Variants in TMEM250 observed in about 807,000 individuals in gnomAD.
TMEM250 encodes herpes virus UL25-binding protein.
Under a neutral mutation model 7.0 loss-of-function variants are expected in TMEM250, and 7 were observed. The ratio of observed to expected loss-of-function variants is 1.00; its 90% CI spans 0.57 to 1.87. TMEM250 has a LOEUF of 1.87. Ranked by LOEUF, TMEM250 falls within the 40% of genes most tolerant of loss-of-function variation. The pLI, the probability that TMEM250 is intolerant of heterozygous loss-of-function variation, is 0.00. For missense variants in TMEM250, 196 were observed against 202.5 expected (o/e 0.97, Z 0.19); for synonymous variants, 135 against 96.7 (o/e 1.40, Z -2.32).
At position 136,116,738 on chromosome 9, in the gene TMEM250, G is replaced by T. The variant is rs574533266; in HGVS notation, c.163C>A (p.Arg55Ser). The change falls in exon 2 of 2, where the codon CGC (arginine) becomes AGC (serine). Residue 55 changes from arginine (R) to serine (S), a missense_variant. Transcript: ENST00000418388. ...CTGCAGCTAAAGTAGAGTAGGAAGC[G>T]GATGAAGCCGTACAGCCAGCGCGTC... is the stretch of plus-strand genomic sequence containing the variant. The part of the protein sequence containing the change: ...IKTRWLYGFI[R>S]FLLYFSCSLF... The T allele has an allele frequency of 7.4e-6, 12 of 1,612,406 alleles. No homozygotes were observed. The highest frequency in any genetic ancestry group is 1.0e-5 in the Non-Finnish European group (12 of 1,179,758).
rs377307324 is a variant in TMEM250, at chr9:136,115,867, G to A, written c.*614C>T. On this transcript the variant is annotated 3_prime_UTR_variant, in exon 2 of 2. Coordinates refer to ENST00000418388, the MANE Select transcript of TMEM250 (RefSeq NM_152833.3). ...AGACTGCATCTACACAATCCAAGGG[G>A]ACCCTGAAGGCTGGCTGGGGACTCA... is the stretch of plus-strand genomic sequence containing the variant. 1.9e-4 allele frequency: 70 copies of A among 365,912 alleles called. 1 individual carries two copies. The highest frequency in any genetic ancestry group is 1.4e-3 in the African/African-American group (65 of 48,034). 22.7% of individuals were successfully genotyped at this position (365,912 alleles called of 1,614,324 possible). A position where few individuals can be genotyped will look rare whatever the true frequency, so the allele number is the denominator to read the frequency against.
Position 136,116,548 on chromosome 9 carries a change from C to T in TMEM250, c.353G>A (p.Gly118Asp). 1 of 1,595,818 alleles carries T rather than the reference C, an allele frequency of 6.3e-7. No homozygotes were observed. ...FRLVNELLVYGIHVTMLLVGG... is the reference protein window; with the variant it reads ...FRLVNELLVYDIHVTMLLVGG... ...GACCAGCAGCATGGTGACGTGGATG[C>T]CATAGACGAGCAGCTCGTTCACCAG... Residue 118 changes from glycine (G) to aspartate (D), a missense_variant, in exon 2 of 2, where the codon GGC becomes GAC. Gly to Asp is a moderately conservative substitution (Grantham distance 94). Coordinates refer to ENST00000418388, the MANE Select transcript of TMEM250 (RefSeq NM_152833.3).
At position 136,118,604 on chromosome 9, in the gene TMEM250, G is replaced by T. The variant is rs1401282935; in HGVS notation, c.-244C>A. 6.6e-6 allele frequency: 1 copy of T among 152,180 alleles called. No homozygotes were observed. The highest frequency in any genetic ancestry group is 1.5e-5 in the Non-Finnish European group (1 of 68,260). 9.4% of individuals were successfully genotyped at this position (152,180 alleles called of 1,614,324 possible). A position where few individuals can be genotyped will look rare whatever the true frequency, so the allele number is the denominator to read the frequency against. ...GCTCCGTGCGCAGGGCGGCCGCATG[G>T]TGCTGGGGCGCGCGGCTGGGGGCGC... On this transcript the variant is annotated 5_prime_UTR_variant, in exon 1 of 2. Transcript: ENST00000418388.
chr9:136,115,736 T>G lies in TMEM250; in HGVS notation c.*745A>C, dbSNP rs1262556337. 5.5e-6 allele frequency: 1 copy of G among 182,530 alleles called. No individual in the cohort carries two copies. The highest frequency in any genetic ancestry group is 6.2e-5 in the Admixed American group (1 of 16,042). 11.3% of individuals were successfully genotyped at this position (182,530 alleles called of 1,614,324 possible). A position where few individuals can be genotyped will look rare whatever the true frequency, so the allele number is the denominator to read the frequency against. Reference sequence around the variant, plus strand: ...CTCCCAGAACAGGCAGACAGGCCAGTGTTGCTGGAGTCAGCCCCTGGCTCC... The same window carrying G: ...CTCCCAGAACAGGCAGACAGGCCAGGGTTGCTGGAGTCAGCCCCTGGCTCC... On this transcript the variant is annotated 3_prime_UTR_variant, in exon 2 of 2. Transcript: ENST00000418388.
Position 136,116,217 on chromosome 9 carries a change from A to T in TMEM250, c.*264T>A. ...AACGGAGGGCCCACCCCGCAGTACGACCCGAAGACATGTGAGCAGGAGCCA... is the reference window on the plus strand; with the variant it reads ...AACGGAGGGCCCACCCCGCAGTACGTCCCGAAGACATGTGAGCAGGAGCCA... On this transcript the variant is annotated 3_prime_UTR_variant, in exon 2 of 2. Coordinates refer to ENST00000418388, the MANE Select transcript of TMEM250 (RefSeq NM_152833.3). 1.7e-6 allele frequency: 1 copy of T among 594,072 alleles called. No homozygotes were observed. Among genetic ancestry groups the T allele is most frequent in the Non-Finnish European group, 2.8e-6 (1 of 356,586 alleles). 36.8% of individuals were successfully genotyped at this position (594,072 alleles called of 1,614,324 possible). A position where few individuals can be genotyped will look rare whatever the true frequency, so the allele number is the denominator to read the frequency against.
Position 136,115,441 on chromosome 9 carries a change from G to A in TMEM250, c.*1040C>T, listed in dbSNP as rs1263547465. ...GACACTGGAGGACAGCGTGAGATAA[G>A]ATCTCAGCATATACCTGGGGCTCTA... On this transcript the variant is annotated 3_prime_UTR_variant, in exon 2 of 2. Coordinates refer to ENST00000418388, the MANE Select transcript of TMEM250 (RefSeq NM_152833.3). 1.3e-5 allele frequency: 2 copies of A among 152,302 alleles called. No individual in the cohort carries two copies. The highest frequency in any genetic ancestry group is 4.8e-5 in the African/African-American group (2 of 41,452). 9.4% of individuals were successfully genotyped at this position (152,302 alleles called of 1,614,324 possible). A position where few individuals can be genotyped will look rare whatever the true frequency, so the allele number is the denominator to read the frequency against.
Position 136,114,899 on chromosome 9 carries a change from C to T in TMEM250, c.*1582G>A, listed in dbSNP as rs1025238158. On this transcript the variant is annotated 3_prime_UTR_variant, in exon 2 of 2. Transcript: ENST00000418388. The stretch of plus-strand genomic sequence containing the variant: ...GCCCACGCAGGGAAGCTCCCGCCTA[C>T]CTGCCCAGGGCGTGGACGCAGCCCG... 6.6e-6 allele frequency: 1 copy of T among 152,292 alleles called. No individual in the cohort carries two copies. Among genetic ancestry groups the T allele is most frequent in the African/African-American group, 2.4e-5 (1 of 41,482 alleles). 9.4% of individuals were successfully genotyped at this position (152,292 alleles called of 1,614,324 possible).
At position 136,118,688 on chromosome 9, in the gene TMEM250, A is replaced by T. The variant is rs965101676; in HGVS notation, c.-328T>A. The T allele has an allele frequency of 2.6e-5, 4 of 152,242 alleles. No individual in the cohort carries two copies. Among genetic ancestry groups the T allele is most frequent in the African/African-American group, 9.7e-5 (4 of 41,372 alleles). The allele number at this position is 152,242 out of a possible 1,614,324, so 9.4% of individuals were successfully genotyped here. On this transcript the variant is annotated 5_prime_UTR_variant, in exon 1 of 2. Transcript: ENST00000418388. ...GCCGGCTGGGGTCGCCCTGCAGGTG[A>T]AGGGGCTCTCGGGCGCGGCCGCCGG...
rs1035041312 is a variant in TMEM250 at position 136,114,738 on chromosome 9, C to T, written c.*1743G>A. ...ACCGCACGAGCGGCACCACCAGCCC[C>T]CTCCCGCCTCCCGTCCCACCTTCAC... On this transcript the variant is annotated 3_prime_UTR_variant, in exon 2 of 2. Coordinates refer to ENST00000418388, the MANE Select transcript of TMEM250 (RefSeq NM_152833.3). 56 of 152,380 alleles carry T rather than the reference C, an allele frequency of 3.7e-4. No individual in the cohort carries two copies. Among genetic ancestry groups the T allele is most frequent in the African/African-American group, 1.3e-3 (52 of 41,584 alleles). 9.4% of individuals were successfully genotyped at this position (152,380 alleles called of 1,614,324 possible).
At chr9:136,117,473 G>A (rs1484754929) in intron 1 of TMEM250, among the ~76,000 whole-genome samples, 3 of 152,246 alleles carry the variant, frequency 2.0e-5, no homozygotes, top group African/African-American at 4.8e-5. Flanking sequence ...AATGGCATCT[G>A]CAAGAAGCCA....
chr9:136,115,615 G>GA lies in TMEM250; in HGVS notation c.*865dup, dbSNP rs1445252959. On this transcript the variant is annotated 3_prime_UTR_variant, in exon 2 of 2. Transcript: ENST00000418388. ...CTTTCTTTGACGGTGTTCCCTCAAAGAAAGAGGCCCAAAGCCCTCCCCCGC... is the reference window on the plus strand; with the variant it reads ...CTTTCTTTGACGGTGTTCCCTCAAAGAAAAGAGGCCCAAAGCCCTCCCCCGC... 6.5e-6 allele frequency: 1 copy of GA among 152,812 alleles called. No homozygotes were observed. Among genetic ancestry groups the GA allele is most frequent in the Non-Finnish European group, 1.5e-5 (1 of 68,490 alleles). The allele number at this position is 152,812 out of a possible 1,614,324, so 9.5% of individuals were successfully genotyped here.
chr9:136,117,593 G>A (rs1236875325), intron 1 of TMEM250, among the ~76,000 whole-genome samples: 1 of 152,254 alleles, frequency 6.6e-6, no homozygotes, highest in South Asian at 2.1e-4. Flanking sequence ...CGGCTCGGGG[G>A]CCGTGGGGTC....
chr9:136,117,072 G>A (rs1830722787), intron 1 of TMEM250, 48 bp from the exon 2 acceptor site: 4 of 1,137,482 alleles, frequency 3.5e-6, no homozygotes, highest in Non-Finnish European at 4.6e-6. Context: ...ACACCATGCG[G>A]ATCCCTCCCC....
At chr9:136,118,025 G>A (rs1472645743) in intron 1 of TMEM250, 1 of 152,320 alleles carries the variant, frequency 6.6e-6, no homozygotes, top group Admixed American at 6.5e-5. Flanking sequence ...GGCGGAGGAG[G>A]GAGGGGCCGG....
At position 136,116,733 on chromosome 9, in the gene TMEM250, G is replaced by A. The variant is rs556439741; in HGVS notation, c.168C>T (p.Phe56=). The A allele has an allele frequency of 2.2e-5, 35 of 1,612,546 alleles. No individual in the cohort carries two copies. In the East Asian group the frequency reaches 4.5e-4, roughly 21 times the overall value. ...KTRWLYGFIR[F]LLYFSCSLFT... ...ACAGGCTGCAGCTAAAGTAGAGTAGGAAGCGGATGAAGCCGTACAGCCAGC... is the reference window on the plus strand; with the variant it reads ...ACAGGCTGCAGCTAAAGTAGAGTAGAAAGCGGATGAAGCCGTACAGCCAGC... The change falls in exon 2 of 2, where the codon TTC becomes TTT. Residue 56 remains phenylalanine (F), a synonymous_variant. Coordinates refer to ENST00000418388, the MANE Select transcript of TMEM250 (RefSeq NM_152833.3).
Position 136,115,143 on chromosome 9 carries a change from T to C in TMEM250, c.*1338A>G, listed in dbSNP as rs1830677124. The stretch of plus-strand genomic sequence containing the variant: ...AGAGTGTGGGGACATGGATTTGAGG[T>C]GACACTAGGGTTGTCAGTACCACAC... On this transcript the variant is annotated 3_prime_UTR_variant, in exon 2 of 2. Coordinates refer to ENST00000418388, the MANE Select transcript of TMEM250 (RefSeq NM_152833.3). The C allele has an allele frequency of 6.6e-6, 1 of 152,240 alleles. No individual in the cohort carries two copies. The highest frequency in any genetic ancestry group is 2.4e-5 in the African/African-American group (1 of 41,448). The allele number at this position is 152,240 out of a possible 1,614,324, so 9.4% of individuals were successfully genotyped here.
At chr9:136,117,704 C>CA (rs1830737147) in intron 1 of TMEM250, among the ~76,000 whole-genome samples, 2 of 152,174 alleles carry the variant, frequency 1.3e-5, no homozygotes, top group Non-Finnish European at 2.9e-5. Flanking sequence ...ATGGGGGTGC[C>CA]AATAGCACTG....
In TMEM250 at chr9:136,114,793, G is replaced by A. The variant is rs1171896802; in HGVS notation, c.*1688C>T. 2 of 152,218 alleles carry A rather than the reference G, an allele frequency of 1.3e-5. No homozygotes were observed. Among genetic ancestry groups the A allele is most frequent in the Non-Finnish European group, 2.9e-5 (2 of 68,050 alleles). 9.4% of individuals were successfully genotyped at this position (152,218 alleles called of 1,614,324 possible). On this transcript the variant is annotated 3_prime_UTR_variant, in exon 2 of 2. Transcript: ENST00000418388. ...AGCCAAGAGGCTTGGGTGACTCTGA[G>A]TAATACGTTAACAAAAAACAAAGCT...
Position 136,116,337 on chromosome 9 carries a change from C to T in TMEM250, c.*144G>A. 1 of 1,425,848 alleles carries T rather than the reference C, an allele frequency of 7.0e-7. No homozygotes were observed. Among genetic ancestry groups the T allele is most frequent in the Non-Finnish European group, 9.2e-7 (1 of 1,091,488 alleles). The allele number at this position is 1,425,848 out of a possible 1,614,324, so 88.3% of individuals were successfully genotyped here. On this transcript the variant is annotated 3_prime_UTR_variant, in exon 2 of 2. Coordinates refer to ENST00000418388, the MANE Select transcript of TMEM250 (RefSeq NM_152833.3). ...GTGTCCGCGCCCCCATCACAGAAGT[C>T]TCAGCCCTTTCTTTTCTCTCCGTGG...
Sources: allele counts gnomAD v4.1 joint callset (sites outside exome capture counted in the v4.1 genomes callset), GRCh38; gene constraint gnomAD v4.1.1; transcripts MANE v1.5; gene names NCBI Gene and HGNC (gene_info 2026-07-23, HGNC 2026-07-21).